Variants in EXOC5 observed in about 807,000 individuals in gnomAD.
EXOC5 encodes SEC10-like 1.
Under a neutral mutation model 90.8 loss-of-function variants are expected in EXOC5, and 17 were observed. The ratio of observed to expected loss-of-function variants is 0.19; its 90% CI spans 0.13 to 0.28. The LOEUF is 0.28. EXOC5 is among the 10% of genes least tolerant of loss of function. The pLI, the probability that EXOC5 is intolerant of heterozygous loss-of-function variation, is 1.00. For synonymous variants in EXOC5, 260 were observed against 270.0 expected (o/e 0.96, Z 0.36); for missense variants, 569 against 830.6 (o/e 0.69, Z 3.87).
chr14:57,252,777 A>G (rs1401278534), intron 1 of EXOC5, among the ~76,000 whole-genome samples: 1 of 152,200 alleles, frequency 6.6e-6, no homozygotes, highest in East Asian at 1.9e-4. Flanking sequence ...CAGCAATCAT[A>G]CTACTAAATA....
chr14:57,209,603 A>G lies in EXOC5; in HGVS notation c.1902T>C (p.Asp634=). 6.2e-7 allele frequency: 1 copy of G among 1,613,326 alleles called. No individual in the cohort carries two copies. Among genetic ancestry groups the G allele is most frequent in the Non-Finnish European group, 8.5e-7 (1 of 1,179,512 alleles). ...TGGCACACTTCCTATATTCGGCTAC[A>G]TCACAAATGGCCAACATGCCACCCA... The part of the protein sequence containing the change: ...SCMGGMLAIC[D]VAEYRKCAKD... Residue 634 remains aspartate (D), a synonymous_variant, in exon 17 of 18, where the codon GAT becomes GAC. Coordinates refer to ENST00000621441, the MANE Select transcript of EXOC5 (RefSeq NM_006544.4).
intron 1 of EXOC5, among the ~76,000 whole-genome samples, chr14:57,262,175 C>T (rs1451566245): frequency 6.6e-6 from 1 of 152,078 alleles, no homozygotes; most frequent in Non-Finnish European, 1.5e-5. Flanking sequence ...GTGGCCAACA[C>T]CTAATTTTTT....
At chr14:57,233,186 A>G (rs6573137) in intron 9 of EXOC5, 36,907 of 153,986 alleles carry the variant, frequency 0.24, 10,799 homozygotes, top group African/African-American at 0.71. Context: ...GCTGTACATT[A>G]CATCCCCACT....
intron 4 of EXOC5, among the ~76,000 whole-genome samples, chr14:57,240,339 T>C (rs1173191898): frequency 6.6e-6 from 1 of 152,032 alleles, no homozygotes; most frequent in African/African-American, 2.4e-5. Flanking sequence ...TGGAGTGCAA[T>C]GGCGCGATAT....
chr14:57,228,011 TACACACACAC>T (rs60151728), intron 12 of EXOC5, among the ~76,000 whole-genome samples: 6 of 144,146 alleles, frequency 4.2e-5, no homozygotes, highest in Non-Finnish European at 9.2e-5. Flanking sequence ...TATATATACA[TACACACACAC>T]ACACACACAC....
At chr14:57,227,764 A>G (rs1292606663) in intron 12 of EXOC5, among the ~76,000 whole-genome samples, 1 of 152,118 alleles carries the variant, frequency 6.6e-6, no homozygotes, top group Non-Finnish European at 1.5e-5. Context: ...ATTGATTTAT[A>G]TTCACATGTA....
At chr14:57,255,463 T>G (rs948128864) in intron 1 of EXOC5, among the ~76,000 whole-genome samples, 1 of 152,042 alleles carries the variant, frequency 6.6e-6, no homozygotes, top group Non-Finnish European at 1.5e-5. Context: ...GAGGTAACCA[T>G]GGGATTCACT....
At position 57,246,694 on chromosome 14, in the gene EXOC5, CT is replaced by C. The variant is rs765287739; in HGVS notation, c.270+16del. 6.2e-7 allele frequency: 1 copy of C among 1,604,260 alleles called. No individual in the cohort carries two copies. Among genetic ancestry groups the C allele is most frequent in the Admixed American group, 1.7e-5 (1 of 59,058 alleles). Reference sequence around the variant, plus strand: ...TATAGCCTATATAAAATACCCATTTCTTAACAAAACGTTTACCTGATTGCTT... The same window carrying C: ...TATAGCCTATATAAAATACCCATTTCTAACAAAACGTTTACCTGATTGCTT... On this transcript the variant is annotated intron_variant, in intron 3 of 17. Transcript: ENST00000621441.
At chr14:57,233,508 C>G (rs1001814346) in intron 9 of EXOC5, among the ~76,000 whole-genome samples, 1 of 151,948 alleles carries the variant, frequency 6.6e-6, no homozygotes, top group African/African-American at 2.4e-5. Flanking sequence ...ACTACTACTA[C>G]GAATACTACA....
intron 6 of EXOC5, 53 bp from the exon 7 acceptor site, chr14:57,235,873 TTAAGAG>T: frequency 2.4e-6 from 2 of 828,968 alleles, no homozygotes; most frequent in Admixed American, 4.0e-5. Context: ...TCCACGTTAT[TTAAGAG>T]TATCTACATT....
At chr14:57,258,206 C>T (rs774568257) in intron 1 of EXOC5, among the ~76,000 whole-genome samples, 3 of 152,244 alleles carry the variant, frequency 2.0e-5, no homozygotes, top group Non-Finnish European at 2.9e-5. Context: ...GGTATATACC[C>T]AAAAGATTAC....
At position 57,205,222 on chromosome 14, in the gene EXOC5, C is replaced by T. The variant is rs1882614895; in HGVS notation, c.*3387G>A. ...GCAGCAAAATTTTTTAAATTGCTAA[C>T]TTTTAACTTCATGTAGAATTATTCA... On this transcript the variant is annotated 3_prime_UTR_variant, in exon 18 of 18. Coordinates refer to ENST00000621441, the MANE Select transcript of EXOC5 (RefSeq NM_006544.4). 6.6e-6 allele frequency: 1 copy of T among 151,952 alleles called. No homozygotes were observed. Among genetic ancestry groups the T allele is most frequent in the African/African-American group, 2.4e-5 (1 of 41,404 alleles). 9.4% of individuals were successfully genotyped at this position (151,952 alleles called of 1,614,324 possible). A position where few individuals can be genotyped will look rare whatever the true frequency, so the allele number is the denominator to read the frequency against.
At chr14:57,230,880 T>C (rs1463643812) in intron 11 of EXOC5, among the ~76,000 whole-genome samples, 2 of 151,940 alleles carry the variant, frequency 1.3e-5, no homozygotes, top group African/African-American at 2.4e-5. Context: ...ATGCGTTTCC[T>C]GGTCAATAAC....
At chr14:57,262,320 A>T (rs1373425625) in intron 1 of EXOC5, among the ~76,000 whole-genome samples, 1 of 152,092 alleles carries the variant, frequency 6.6e-6, no homozygotes, top group South Asian at 2.1e-4. Context: ...CTGAGGTACA[A>T]AGAGGTTGGG....
At chr14:57,260,341 T>A (rs1464628561) in intron 1 of EXOC5, among the ~76,000 whole-genome samples, 1 of 152,162 alleles carries the variant, frequency 6.6e-6, no homozygotes, top group Non-Finnish European at 1.5e-5. Flanking sequence ...TGAAAAAGTA[T>A]TTTGAAAACT....
rs1426870169 is a variant in EXOC5 at position 57,201,998 on chromosome 14, T to C, written c.*6611A>G. The C allele has an allele frequency of 6.6e-6, 1 of 152,032 alleles. No homozygotes were observed. The highest frequency in any genetic ancestry group is 1.9e-4 in the East Asian group (1 of 5,186). The allele number at this position is 152,032 out of a possible 1,614,324, so 9.4% of individuals were successfully genotyped here. ...TTTTAAAGTGGAGAAGCCTGGTAAA[T>C]AGTACCTTAAGAAAGTGATAAAAAT... On this transcript the variant is annotated 3_prime_UTR_variant, in exon 18 of 18. Coordinates refer to ENST00000621441, the MANE Select transcript of EXOC5 (RefSeq NM_006544.4).
intron 1 of EXOC5, among the ~76,000 whole-genome samples, chr14:57,254,692 G>T (rs983674101): frequency 6.6e-6 from 1 of 152,176 alleles, no homozygotes; most frequent in Non-Finnish European, 1.5e-5. Context: ...GACCTTTGGG[G>T]AGGTAATCAG....
At chr14:57,260,206 T>A (rs1265107442) in intron 1 of EXOC5, among the ~76,000 whole-genome samples, 1 of 152,170 alleles carries the variant, frequency 6.6e-6, no homozygotes, top group Non-Finnish European at 1.5e-5. Context: ...ATTTATTGAA[T>A]ACTGAGTTTT....
Position 57,207,010 on chromosome 14 carries a change from T to C in EXOC5, c.*1599A>G, listed in dbSNP as rs1882677431. On this transcript the variant is annotated 3_prime_UTR_variant, in exon 18 of 18. Coordinates refer to ENST00000621441, the MANE Select transcript of EXOC5 (RefSeq NM_006544.4). ...TACAAGCAAATGACTTTCTCTAGTATCCAAAACCTGCGCTGGCTCTCCCTT... is the reference window on the plus strand; with the variant it reads ...TACAAGCAAATGACTTTCTCTAGTACCCAAAACCTGCGCTGGCTCTCCCTT... The C allele has an allele frequency of 1.3e-5, 2 of 152,410 alleles. No homozygotes were observed. Among genetic ancestry groups the C allele is most frequent in the Non-Finnish European group, 2.9e-5 (2 of 67,890 alleles). The allele number at this position is 152,410 out of a possible 1,614,324, so 9.4% of individuals were successfully genotyped here.
Sources: gnomAD v4.1 joint callset for allele counts (sites outside exome capture counted in the v4.1 genomes callset) on GRCh38, gnomAD v4.1.1 for gene constraint, MANE v1.5 for transcripts, NCBI Gene and HGNC (gene_info 2026-07-23, HGNC 2026-07-21) for gene names.